The following LAMA2 variants were observed in gnomAD, a reference collection of about 807,000 sequenced individuals.
LAMA2 encodes laminin subunit alpha-2.
A neutral mutation model predicts 364.8 loss-of-function variants in LAMA2; 269 were observed. The ratio of observed to expected loss-of-function variants is 0.74; its 90% confidence interval spans 0.67 to 0.82. The LOEUF (loss-of-function observed/expected upper bound fraction) is 0.82. LAMA2 is among the 40% of genes least tolerant of loss of function. The pLI is 0.00. For synonymous variants in LAMA2, 1,379 were observed against 1,370.6 expected (o/e 1.01, Z -0.14); for missense variants, 3,807 against 3,873.2 (o/e 0.98, Z 0.45).
At chr6:129,399,453 C>T (rs1330887474) in intron 37 of LAMA2, among the ~76,000 whole-genome samples, 3 of 152,160 alleles carry the variant, frequency 2.0e-5, no homozygotes, top group African/African-American at 4.8e-5. Context: ...GGTGAATGGG[C>T]TGCACATTGA....
At chr6:129,061,768 A>G (rs931001151) in intron 3 of LAMA2, among the ~76,000 whole-genome samples, 1 of 152,190 alleles carries the variant, frequency 6.6e-6, no homozygotes, top group Non-Finnish European at 1.5e-5. Flanking sequence ...AGAATTCTGT[A>G]TATAACCCAG....
intron 9 of LAMA2, among the ~76,000 whole-genome samples, chr6:129,177,234 G>A (rs1019138502): frequency 6.6e-6 from 1 of 152,136 alleles, no homozygotes; most frequent in Admixed American, 6.5e-5. Context: ...CCAGTGGCAT[G>A]TTCTTAGAGT....
intron 1 of LAMA2, among the ~76,000 whole-genome samples, chr6:128,915,136 G>C (rs1778230316): frequency 6.6e-6 from 1 of 152,096 alleles, no homozygotes. Context: ...GTGTCACATG[G>C]ACCTTTTCCT....
intron 12 of LAMA2, among the ~76,000 whole-genome samples, chr6:129,217,386 G>T (rs878891070): frequency 1.3e-5 from 2 of 151,996 alleles, no homozygotes; most frequent in Admixed American, 6.6e-5. Flanking sequence ...AAATTATTTG[G>T]TTAATCTTCG....
chr6:129,048,161 G>A (rs1787670122), intron 1 of LAMA2, among the ~76,000 whole-genome samples: 1 of 152,160 alleles, frequency 6.6e-6, no homozygotes, highest in African/African-American at 2.4e-5. Flanking sequence ...AACATTCAAC[G>A]ATGCTGGCTA....
rs1232129829 is a variant in LAMA2, at chr6:129,251,074, CTCTATA to C, written c.1884+863_1884+868del. On this transcript the variant is annotated intron_variant, in intron 13 of 64. Coordinates refer to ENST00000421865, the MANE Select transcript of LAMA2 (RefSeq NM_000426.4). Reference sequence around the variant, plus strand: ...TCTCTCTCTCTCTCTCTCTCTCTCTCTCTATATATATATATATATATATATATATAT... The same window carrying C: ...TCTCTCTCTCTCTCTCTCTCTCTCTCTATATATATATATATATATATATAT... 8.7e-3 allele frequency among the ~76,000 whole-genome samples: 526 copies of C among 60,400 alleles called. 3 individuals carry two copies. The highest frequency in any genetic ancestry group is 0.013 in the East Asian group (17 of 1,292). The allele number at this position is 60,400 out of a possible 152,430, so 39.6% of individuals were successfully genotyped here.
At chr6:128,901,656 A>G (rs577541014) in intron 1 of LAMA2, among the ~76,000 whole-genome samples, 1 of 152,348 alleles carries the variant, frequency 6.6e-6, no homozygotes, top group Admixed American at 6.5e-5. Flanking sequence ...AGAAATCATG[A>G]TAACTATGTT....
At chr6:128,952,537 T>A (rs769269776) in intron 1 of LAMA2, among the ~76,000 whole-genome samples, 3 of 152,226 alleles carry the variant, frequency 2.0e-5, no homozygotes, top group Non-Finnish European at 4.4e-5. Flanking sequence ...TCAAAAAAAA[T>A]TAAAGCTTGA....
chr6:129,349,191 A>G (rs1776721670), intron 30 of LAMA2, 107 bp from the exon 31 acceptor site: 2 of 817,912 alleles, frequency 2.4e-6, no homozygotes, highest in African/African-American at 3.4e-5. Flanking sequence ...GATGGCATTT[A>G]TTACTACCTA....
chr6:129,486,510 G>C lies in LAMA2; in HGVS notation c.7786G>C (p.Glu2596Gln). The C allele has an allele frequency of 6.2e-7, 1 of 1,613,876 alleles. No individual in the cohort carries two copies. Among genetic ancestry groups the C allele is most frequent in the East Asian group, 2.2e-5 (1 of 44,846 alleles). The part of the protein sequence containing the change: ...YAILLNRGRL[E>Q]VHLSTGARTM... ...AATACTCCTCAACAGGGGCCGTCTG[G>C]AAGTGCATCTCTCCACAGGGGCACG... Residue 2596 changes from glutamate (E) to glutamine (Q), a missense_variant, in exon 56 of 65, where the codon GAA (glutamate) becomes CAA (glutamine). Coordinates refer to ENST00000421865, the MANE Select transcript of LAMA2 (RefSeq NM_000426.4).
At chr6:128,921,951 T>C (rs916040761) in intron 1 of LAMA2, among the ~76,000 whole-genome samples, 6 of 149,706 alleles carry the variant, frequency 4.0e-5, no homozygotes, top group South Asian at 2.1e-4. Flanking sequence ...AGTGAGAATA[T>C]GCGGTGTTTG....
intron 3 of LAMA2, among the ~76,000 whole-genome samples, chr6:129,083,725 A>G (rs1303372895): frequency 6.6e-6 from 1 of 152,118 alleles, no homozygotes; most frequent in Non-Finnish European, 1.5e-5. Flanking sequence ...CCAAGTTGAT[A>G]CTCGTGTTCT....
intron 62 of LAMA2, among the ~76,000 whole-genome samples, chr6:129,510,149 C>A (rs945812217): frequency 6.6e-6 from 1 of 152,034 alleles, no homozygotes; most frequent in Non-Finnish European, 1.5e-5. Flanking sequence ...AAAAAGTAAA[C>A]GGCATCCAAG....
rs1482352424 is a variant in LAMA2 at position 129,190,271 on chromosome 6, T to C, written c.1534T>C (p.Trp512Arg). Residue 512 changes from tryptophan (W) to arginine (R), a missense_variant, in exon 11 of 65, where the codon TGG (tryptophan) becomes CGG (arginine). Trp to Arg is a moderately radical substitution (Grantham distance 101, BLOSUM62 -3). Around this residue, in one of 3 missense-constraint regions of LAMA2, gnomAD observed 3,333 missense variants for 3,345.7 expected, o/e 1.00. Transcript: ENST00000421865. ...SGFFNLQEDNWKGCDECFCSG... is the reference protein window; with the variant it reads ...SGFFNLQEDNRKGCDECFCSG... ...CTTCTTCAATTTGCAAGAGGATAAT[T>C]GGAAAGGCTGCGATGAGTGTTTCTG... is the stretch of plus-strand genomic sequence containing the variant. The C allele has an allele frequency of 6.2e-7, 1 of 1,613,744 alleles. No homozygotes were observed. The highest frequency in any genetic ancestry group is 1.7e-5 in the Admixed American group (1 of 60,018).
intron 17 of LAMA2, among the ~76,000 whole-genome samples, chr6:129,274,373 A>G (rs979690547): frequency 6.6e-6 from 1 of 151,960 alleles, no homozygotes; most frequent in Non-Finnish European, 1.5e-5. Context: ...GAATATTTGC[A>G]TACAATCCTG....
chr6:129,045,525 T>C (rs1787421239), intron 1 of LAMA2, among the ~76,000 whole-genome samples: 1 of 152,188 alleles, frequency 6.6e-6, no homozygotes, highest in Non-Finnish European at 1.5e-5. Context: ...TGCACTTCCT[T>C]CATTTTTATA....
At chr6:129,208,172 T>G (rs1331635942) in intron 12 of LAMA2, among the ~76,000 whole-genome samples, 2 of 152,210 alleles carry the variant, frequency 1.3e-5, no homozygotes, top group Non-Finnish European at 2.9e-5. Flanking sequence ...GAAAGGAAAT[T>G]GTGTTAGCGT....
chr6:129,308,769 G>C (rs1774034133), intron 22 of LAMA2, among the ~76,000 whole-genome samples: 1 of 152,190 alleles, frequency 6.6e-6, no homozygotes, highest in African/African-American at 2.4e-5. Context: ...AAGCATAGCG[G>C]CATCTGTTTC....
At chr6:129,107,866 T>C (rs1583055455) in intron 4 of LAMA2, among the ~76,000 whole-genome samples, 1 of 152,162 alleles carries the variant, frequency 6.6e-6, no homozygotes, top group Non-Finnish European at 1.5e-5. Flanking sequence ...TTTCCTTCTG[T>C]GTCTGGGGTT....
Sources: allele counts gnomAD v4.1 joint callset (sites outside exome capture counted in the v4.1 genomes callset), GRCh38; gene constraint gnomAD v4.1.1; regional missense constraint gnomAD v4.1.1; transcripts MANE v1.5; gene names NCBI Gene and HGNC (gene_info 2026-07-23, HGNC 2026-07-21).